The following ATXN2 variants were observed in gnomAD, a reference collection of about 807,000 sequenced individuals.
The protein encoded by ATXN2 is ataxin-2.
Under a neutral mutation model 138.6 loss-of-function variants are expected in ATXN2, and 37 were observed. That is an observed-to-expected ratio of 0.27 (90% CI 0.21 to 0.35). The LOEUF (loss-of-function observed/expected upper bound fraction) is 0.35. ATXN2 is among the 10% of genes least tolerant of loss of function. The pLI is 1.00. For missense variants in ATXN2, 1,216 were observed against 1,480.3 expected (o/e 0.82, Z 2.93); for synonymous variants, 549 against 543.7 (o/e 1.01, Z -0.13).
chr12:111,576,755 C>T (rs971423118), intron 1 of ATXN2, among the ~76,000 whole-genome samples: 4 of 150,858 alleles, frequency 2.7e-5, no homozygotes, highest in Non-Finnish European at 5.9e-5. Flanking sequence ...GTCAGGAGTT[C>T]GAGACCATCC....
chr12:111,514,308 T>C (rs1879731882), intron 10 of ATXN2, among the ~76,000 whole-genome samples: 1 of 152,192 alleles, frequency 6.6e-6, no homozygotes, highest in Non-Finnish European at 1.5e-5. Context: ...GATTCTGCCA[T>C]GCCACTAGTG....
chr12:111,591,228 T>G (rs559188234), intron 1 of ATXN2, among the ~76,000 whole-genome samples: 1 of 151,988 alleles, frequency 6.6e-6, no homozygotes, highest in African/African-American at 2.4e-5. Context: ...CCTGCCCCTA[T>G]GGAAAAACCA....
chr12:111,553,604 A>AAAAAATTTTTTTT (rs1882237738), intron 3 of ATXN2, among the ~76,000 whole-genome samples: 2 of 85,004 alleles, frequency 2.4e-5, no homozygotes, highest in Admixed American at 1.5e-4. Context: ...AAAAAAAAAA[A>AAAAAATTTTTTTT]TTTTTTTTTT....
At chr12:111,594,660 T>C (rs1884845431) in intron 1 of ATXN2, among the ~76,000 whole-genome samples, 1 of 152,172 alleles carries the variant, frequency 6.6e-6, no homozygotes, top group South Asian at 2.1e-4. Flanking sequence ...TGTAAATCCA[T>C]ATTTTTATTT....
intron 5 of ATXN2, among the ~76,000 whole-genome samples, chr12:111,526,165 G>A (rs908039403): frequency 6.6e-6 from 1 of 151,480 alleles, no homozygotes. Flanking sequence ...AGACCATCCT[G>A]GCCAACATGG....
chr12:111,485,290 T>C lies in ATXN2; in HGVS notation c.2499A>G (p.Gln833=), dbSNP rs550445339. 6.2e-7 allele frequency: 1 copy of C among 1,613,316 alleles called. No homozygotes were observed. Among genetic ancestry groups the C allele is most frequent in the Admixed American group, 1.7e-5 (1 of 60,008 alleles). ...CTTTACCTGCTCTATATGTCTTGGC[T>C]TGATTCACTGGCATGGGCGTCATAG... ...PIPMTPMPVN[Q]AKTYRAGKVP... Residue 833 remains glutamine, a synonymous_variant, in exon 18 of 25, where the codon CAA becomes CAG. Transcript: ENST00000673436.
rs1884738739 is a variant in ATXN2, at chr12:111,592,789, A to AAAAAAAAAAAAAAAAAAAAAAAC, written c.251+5994_251+5995insGTTTTTTTTTTTTTTTTTTTTTT. 1.4e-5 allele frequency among the ~76,000 whole-genome samples: 2 copies of AAAAAAAAAAAAAAAAAAAAAAAC among 139,398 alleles called. 1 individual carries two copies. 91.5% of individuals were successfully genotyped at this position (139,398 alleles called of 152,430 possible). ...CAGAGCAAGACTCCGTCTCAAAAAA[A>AAAAAAAAAAAAAAAAAAAAAAAC]AAAAAAAAAAAAAAAGATAATAGGT... is the stretch of plus-strand genomic sequence containing the variant. On this transcript the variant is annotated intron_variant, in intron 1 of 24. Transcript: ENST00000673436.
chr12:111,453,466 G>T lies in ATXN2; in HGVS notation c.3439+211C>A, dbSNP rs1013747749. ...GCTGCTTCTCATCAAGCCAAATCCT[G>T]TATACCATCAGAACACACACAGACT... On this transcript the variant is annotated intron_variant, in intron 24 of 24. Coordinates refer to ENST00000673436, the MANE Select transcript of ATXN2 (RefSeq NM_001372574.1). The surrounding 1 kb of genome is among the most constrained non-coding windows in gnomAD (Gnocchi z 5.4). 3 of 1,304,038 alleles carry T rather than the reference G, an allele frequency of 2.3e-6. No homozygotes were observed. Among genetic ancestry groups the T allele is most frequent in the Middle Eastern group, 2.7e-4 (1 of 3,660 alleles). The allele number at this position is 1,304,038 out of a possible 1,614,324, so 80.8% of individuals were successfully genotyped here. A position where few individuals can be genotyped will look rare whatever the true frequency, so the allele number is the denominator to read the frequency against.
chr12:111,471,679 T>A (rs1209764806), intron 18 of ATXN2: 1 of 151,984 alleles, frequency 6.6e-6, no homozygotes, highest in Non-Finnish European at 1.5e-5. Flanking sequence ...TACATATTAT[T>A]TTATCTATGT....
chr12:111,482,320 G>A (rs931828153), intron 18 of ATXN2, among the ~76,000 whole-genome samples: 5 of 150,350 alleles, frequency 3.3e-5, no homozygotes, highest in South Asian at 2.1e-4. Flanking sequence ...TCAGCCTCCC[G>A]AGTAGCTGGG....
At chr12:111,468,995 C>T (rs1876228209) in intron 20 of ATXN2, 1 of 152,172 alleles carries the variant, frequency 6.6e-6, no homozygotes, top group Admixed American at 6.5e-5. Flanking sequence ...CCACTGCGCC[C>T]AGCCTATAAA....
intron 1 of ATXN2, among the ~76,000 whole-genome samples, chr12:111,565,853 A>C (rs1168572111): frequency 2.0e-5 from 3 of 152,026 alleles, no homozygotes; most frequent in Admixed American, 2.0e-4. Flanking sequence ...AAAATTAGCC[A>C]GACGTGGTGG....
At chr12:111,586,950 TA>T (rs1884374654) in intron 1 of ATXN2, among the ~76,000 whole-genome samples, 1 of 151,390 alleles carries the variant, frequency 6.6e-6, no homozygotes, top group Non-Finnish European at 1.5e-5. Flanking sequence ...GAATCATGTG[TA>T]AAGTAAAAGT....
intron 1 of ATXN2, among the ~76,000 whole-genome samples, chr12:111,577,066 C>CA (rs1387719345): frequency 1.3e-5 from 2 of 151,762 alleles, no homozygotes; most frequent in African/African-American, 2.4e-5. Flanking sequence ...CTCGGCCTCC[C>CA]AAAGTGCTGG....
chr12:111,589,754 A>T (rs892078497), intron 1 of ATXN2, among the ~76,000 whole-genome samples: 1 of 152,184 alleles, frequency 6.6e-6, no homozygotes, highest in Non-Finnish European at 1.5e-5. Flanking sequence ...CCTAGGCAAC[A>T]GAGTGAAACA....
chr12:111,474,814 T>C (rs1465816889), intron 18 of ATXN2, among the ~76,000 whole-genome samples: 1 of 152,206 alleles, frequency 6.6e-6, no homozygotes, highest in Non-Finnish European at 1.5e-5. Context: ...CTGAGAGCGA[T>C]GGCTCACACC....
rs1885041253 is a variant in ATXN2 at position 111,598,297 on chromosome 12, C to G, written c.251+487G>C. The G allele has an allele frequency of 6.0e-6, 6 of 1,003,004 alleles. No individual in the cohort carries two copies. Among genetic ancestry groups the G allele is most frequent in the Non-Finnish European group, 7.1e-6 (6 of 840,160 alleles). 62.1% of individuals were successfully genotyped at this position (1,003,004 alleles called of 1,614,324 possible). A position where few individuals can be genotyped will look rare whatever the true frequency, so the allele number is the denominator to read the frequency against. ...ACCCCTTTAACCGGCACGGGGGACG[C>G]GGCCCTAACTTCTCCCCTCCAGAGA... On this transcript the variant is annotated intron_variant, in intron 1 of 24. Coordinates refer to ENST00000673436, the MANE Select transcript of ATXN2 (RefSeq NM_001372574.1). This position sits in a 1 kb window ranked among gnomAD's most constrained non-coding sequence, Gnocchi z 4.5.
intron 3 of ATXN2, among the ~76,000 whole-genome samples, chr12:111,553,604 A>AAAGTTTTTTTTTTTT: frequency 1.2e-5 from 1 of 85,004 alleles, no homozygotes; most frequent in Non-Finnish European, 1.9e-5. Flanking sequence ...AAAAAAAAAA[A>AAAGTTTTTTTTTTTT]TTTTTTTTTT....
At chr12:111,531,862 C>T (rs992349623) in intron 5 of ATXN2, among the ~76,000 whole-genome samples, 1 of 152,068 alleles carries the variant, frequency 6.6e-6, no homozygotes, top group Non-Finnish European at 1.5e-5. Flanking sequence ...CCTATGAAAC[C>T]GTATTCAGAA....
Sources: allele counts gnomAD v4.1 joint callset (sites outside exome capture counted in the v4.1 genomes callset), GRCh38; gene constraint gnomAD v4.1.1; non-coding constraint Gnocchi (gnomAD v3.1); transcripts MANE v1.5; gene names NCBI Gene and HGNC (gene_info 2026-07-23, HGNC 2026-07-21).